Variants in ADAMTS12 observed in about 807,000 individuals in gnomAD.
The protein encoded by ADAMTS12 is ADAM metallopeptidase with thrombospondin type 1 motif 12.
ADAMTS12 carries 118 observed loss-of-function variants against 167.8 expected under a neutral mutation model. That is an observed-to-expected ratio of 0.70 (90% CI 0.61 to 0.82). ADAMTS12 has a LOEUF of 0.82. Ranked by LOEUF, ADAMTS12 falls within the 40% of genes least tolerant of loss-of-function variation. The pLI is 0.00. For synonymous variants in ADAMTS12, 704 were observed against 716.9 expected, an observed-to-expected ratio of 0.98 and a Z score of 0.29; for missense variants, 1,916 against 1,998.8, an observed-to-expected ratio of 0.96 and a Z score of 0.79.
chr5:33,755,444 A>C (rs767692752), intron 2 of ADAMTS12, among the ~76,000 whole-genome samples: 1 of 152,204 alleles, frequency 6.6e-6, no homozygotes, highest in Non-Finnish European at 1.5e-5. Context: ...ACAGTCCCAG[A>C]GTGAGAAGAG....
At chr5:33,585,932 A>G (rs10072202) in intron 18 of ADAMTS12, among the ~76,000 whole-genome samples, 150,750 of 152,230 alleles carry the variant, frequency 0.99, 74,667 homozygotes, top group East Asian at 1. Flanking sequence ...TGCTTTGATA[A>G]GGAAAGGAGC....
chr5:33,740,938 C>G (rs187123616), intron 3 of ADAMTS12, among the ~76,000 whole-genome samples: 1 of 152,192 alleles, frequency 6.6e-6, no homozygotes, highest in Non-Finnish European at 1.5e-5. Flanking sequence ...ACTTATAAAG[C>G]GGACATTCAA....
chr5:33,781,905 T>C (rs1419539774), intron 2 of ADAMTS12, among the ~76,000 whole-genome samples: 2 of 149,242 alleles, frequency 1.3e-5, no homozygotes, highest in East Asian at 2.1e-4. Flanking sequence ...TGTGTTCTCA[T>C]TGTTCAATTC....
intron 16 of ADAMTS12, among the ~76,000 whole-genome samples, chr5:33,598,174 C>T (rs905590762): frequency 6.6e-6 from 1 of 152,104 alleles, no homozygotes; most frequent in Non-Finnish European, 1.5e-5. Flanking sequence ...ATTAATGGTC[C>T]TGGTGACCAT....
chr5:33,704,873 C>T lies in ADAMTS12; in HGVS notation c.635-20818G>A, dbSNP rs570569299. On this transcript the variant is annotated intron_variant, in intron 3 of 23. Transcript: ENST00000504830. ...ACTTGTCTATTTTTTGTTTCGTTAC[C>T]TATACTTTTGGTTTTATAAGCAAGA... 2.6e-3 allele frequency among the ~76,000 whole-genome samples: 392 copies of T among 151,926 alleles called. 4 individuals carry two copies. The highest frequency in any genetic ancestry group is 4.7e-3 in the Non-Finnish European group (320 of 67,962).
At chr5:33,889,797 C>G (rs527457182) in intron 1 of ADAMTS12, among the ~76,000 whole-genome samples, 1 of 152,010 alleles carries the variant, frequency 6.6e-6, no homozygotes, top group African/African-American at 2.4e-5. Flanking sequence ...ACTAAAAATA[C>G]AAAAATTAGC....
rs547589317 is a variant in ADAMTS12 at position 33,668,673 on chromosome 5, G to A, written c.916-6633C>T. 5.9e-5 allele frequency among the ~76,000 whole-genome samples: 9 copies of A among 152,206 alleles called. No individual in the cohort carries two copies. In the South Asian group the frequency reaches 8.3e-4, roughly 14 times the overall value. ...ACTTTTTCTATTTTTCGGTAGAGAC[G>A]GGGTTTCACCATGTTGGCCAGGCTG... On this transcript the variant is annotated intron_variant, in intron 5 of 23. Transcript: ENST00000504830.
At chr5:33,529,537 AAG>A (rs1743992065) in intron 23 of ADAMTS12, among the ~76,000 whole-genome samples, 1 of 152,168 alleles carries the variant, frequency 6.6e-6, no homozygotes, top group African/African-American at 2.4e-5. Flanking sequence ...GTCCTTTGTA[AAG>A]GGAACAGTCA....
rs148722405 is a variant in ADAMTS12, at chr5:33,760,568, G to A, written c.490-9020C>T. ...AAAAAGCTGGCCTGACATACATGCT[G>A]AAGAAAACTAGGAAAGGAATTTTCA... On this transcript the variant is annotated intron_variant, in intron 2 of 23. Coordinates refer to ENST00000504830, the MANE Select transcript of ADAMTS12 (RefSeq NM_030955.4). 8.9e-4 allele frequency among the ~76,000 whole-genome samples: 136 copies of A among 152,316 alleles called. No individual in the cohort carries two copies. The East Asian group carries it at 0.023, about 26-fold the overall frequency.
chr5:33,669,947 C>G (rs184524876), intron 5 of ADAMTS12, among the ~76,000 whole-genome samples: 119 of 151,828 alleles, frequency 7.8e-4, no homozygotes, highest in Admixed American at 2.8e-3. Flanking sequence ...TAGGGATAGG[C>G]AAAGAATTTA....
At chr5:33,839,559 G>A (rs1022353632) in intron 2 of ADAMTS12, among the ~76,000 whole-genome samples, 2 of 152,156 alleles carry the variant, frequency 1.3e-5, no homozygotes, top group African/African-American at 4.8e-5. Context: ...AACTCTGGAA[G>A]GGAACCAGAG....
At chr5:33,755,457 G>T (rs56196043) in intron 2 of ADAMTS12, among the ~76,000 whole-genome samples, 18,805 of 152,146 alleles carry the variant, frequency 0.12, 1,530 homozygotes, top group East Asian at 0.41. Flanking sequence ...GAGAAGAGTT[G>T]CCTGTAATCT....
At chr5:33,641,316 C>G (rs1740433522) in intron 11 of ADAMTS12, among the ~76,000 whole-genome samples, 1 of 152,084 alleles carries the variant, frequency 6.6e-6, no homozygotes, top group Non-Finnish European at 1.5e-5. Flanking sequence ...AAATCCTTAT[C>G]GAAAAATATT....
At chr5:33,536,234 C>T (rs1221529729) in intron 22 of ADAMTS12, among the ~76,000 whole-genome samples, 8 of 152,318 alleles carry the variant, frequency 5.3e-5, no homozygotes, top group African/African-American at 1.9e-4. Flanking sequence ...TCCCTGGGTT[C>T]AAGTGATTCT....
At chr5:33,620,136 C>T (rs1166352801) in intron 14 of ADAMTS12, among the ~76,000 whole-genome samples, 1 of 152,244 alleles carries the variant, frequency 6.6e-6, no homozygotes, top group Non-Finnish European at 1.5e-5. Context: ...GCTGGCATAG[C>T]TGTAGTGATG....
chr5:33,551,756 G>A (rs562734480), intron 20 of ADAMTS12, among the ~76,000 whole-genome samples: 1 of 152,296 alleles, frequency 6.6e-6, no homozygotes, highest in Admixed American at 6.5e-5. Context: ...AGTAATAAGG[G>A]AAGACACTCA....
rs751419369 is a variant in ADAMTS12 at position 33,576,455 on chromosome 5, T to C, written c.3571A>G (p.Ser1191Gly). Reference protein sequence around the residue: ...RVPGNDAPVESTEMPLAPPLT... With the variant: ...RVPGNDAPVEGTEMPLAPPLT... ...GGAGGTGCAAGTGGCATTTCTGTAC[T>C]TTCCACTGGAGCGTCATTTCCAGGT... Residue 1191 changes from serine (S) to glycine (G), a missense_variant, in exon 19 of 24, where the codon AGT becomes GGT. Physicochemically the swap from Ser to Gly is moderately conservative, Grantham distance 56. Transcript: ENST00000504830. 22 of 1,609,984 alleles carry C rather than the reference T, an allele frequency of 1.4e-5. No homozygotes were observed. The Admixed American group carries it at 3.7e-4, about 27-fold the overall frequency.
chr5:33,571,356 C>T (rs971333298), intron 19 of ADAMTS12, among the ~76,000 whole-genome samples: 1 of 152,032 alleles, frequency 6.6e-6, no homozygotes, highest in Non-Finnish European at 1.5e-5. Flanking sequence ...GTAAAGCTCT[C>T]CTCAGCAAAT....
chr5:33,604,883 T>C (rs1738362669), intron 16 of ADAMTS12, among the ~76,000 whole-genome samples: 1 of 152,114 alleles, frequency 6.6e-6, no homozygotes, highest in African/African-American at 2.4e-5. Flanking sequence ...AACCTGTAAA[T>C]TATAATTCCA....
Sources: gnomAD v4.1 joint callset for allele counts (sites outside exome capture counted in the v4.1 genomes callset) on GRCh38, gnomAD v4.1.1 for gene constraint, MANE v1.5 for transcripts, NCBI Gene and HGNC (gene_info 2026-07-23, HGNC 2026-07-21) for gene names.